LY75: variants seen among roughly 807,000 people sequenced by gnomAD.
The protein encoded by LY75 is lymphocyte antigen 75.
LY75 carries 185 observed loss-of-function variants against 231.7 expected under a neutral mutation model. The observed-to-expected ratio is 0.80, with a 90% confidence interval of 0.71 to 0.90. The LOEUF is 0.90. Ranked by LOEUF, LY75 falls within the 40% of genes least tolerant of loss-of-function variation. The probability of loss-of-function intolerance (pLI) is 0.00; values close to 1 mark genes in which losing one functional copy is unlikely to be tolerated. For synonymous variants in LY75, 668 were observed against 689.0 expected, an observed-to-expected ratio of 0.97 and a Z score of 0.48; for missense variants, 1,947 against 2,050.2, an observed-to-expected ratio of 0.95 and a Z score of 0.97.
At position 159,860,829 on chromosome 2, in the gene LY75, C is replaced by A. The variant is rs752348136; in HGVS notation, c.2260G>T (p.Ala754Ser). 1.9e-6 allele frequency: 3 copies of A among 1,613,820 alleles called. No homozygotes were observed. Among genetic ancestry groups the A allele is most frequent in the African/African-American group, 2.7e-5 (2 of 74,910 alleles). The change falls in exon 15 of 35, where the codon GCT (alanine) becomes TCT (serine). Residue 754 changes from alanine (A) to serine (S), a missense_variant. Coordinates refer to ENST00000263636, the MANE Select transcript of LY75 (RefSeq NM_002349.4). ...QQDYDIRDCA[A>S]VKVFHRPWRR... ...TCCAGCATTGTACTGACCTTGACAGCAGCACAGTCTCTGATGTCATAATCC... is the reference window on the plus strand; with the variant it reads ...TCCAGCATTGTACTGACCTTGACAGAAGCACAGTCTCTGATGTCATAATCC...
chr2:159,813,899 A>G (rs1484475430), intron 31 of LY75: 1 of 152,144 alleles, frequency 6.6e-6, no homozygotes, highest in Non-Finnish European at 1.5e-5. Context: ...ATGTATTCCA[A>G]TTGTTTTTCT....
intron 25 of LY75, 131 bp downstream of exon 25, chr2:159,840,598 A>C: frequency 4.3e-6 from 6 of 1,380,312 alleles, no homozygotes; most frequent in South Asian, 2.8e-5. Flanking sequence ...ACCCCGACAT[A>C]TTCCATGAAA....
At chr2:159,893,523 C>T (rs1394694695) in intron 3 of LY75, among the ~76,000 whole-genome samples, 5 of 152,194 alleles carry the variant, frequency 3.3e-5, no homozygotes, top group Non-Finnish European at 7.3e-5. Flanking sequence ...TCTTCTTCTG[C>T]TCCGTGAAAC....
At position 159,805,009 on chromosome 2, in the gene LY75, C is replaced by T. The variant is rs1285224629; in HGVS notation, c.*35G>A. ...ATTTTAAGTGACTAATTTCTCATAA[C>T]ACATTAGTGCAAATTAGAAAACTTT... On this transcript the variant is annotated 3_prime_UTR_variant, in exon 35 of 35. Coordinates refer to ENST00000263636, the MANE Select transcript of LY75 (RefSeq NM_002349.4). The T allele has an allele frequency of 1.3e-6, 2 of 1,550,670 alleles. No homozygotes were observed. The highest frequency in any genetic ancestry group is 2.3e-5 in the South Asian group (2 of 88,632).
Position 159,858,410 on chromosome 2 carries a change from G to A in LY75, c.2335C>T (p.Pro779Ser). The A allele has an allele frequency of 6.2e-7, 1 of 1,613,588 alleles. No homozygotes were observed. Among genetic ancestry groups the A allele is most frequent in the South Asian group, 1.1e-5 (1 of 91,032 alleles). Reference sequence around the variant, plus strand: ...TCAAGTTTTGTATCACAAGCAAAAGGCCTCAAATAAATAAATTCTCTATCA... The same window carrying A: ...TCAAGTTTTGTATCACAAGCAAAAGACCTCAAATAAATAAATTCTCTATCA... ...YDDREFIYLR[P>S]FACDTKLEWV... Residue 779 changes from proline to serine, a missense_variant, in exon 16 of 35, where the codon CCT becomes TCT. Transcript: ENST00000263636.
chr2:159,808,703 G>T, intron 32 of LY75, 132 bp from the exon 33 acceptor site: 1 of 1,317,332 alleles, frequency 7.6e-7, no homozygotes, highest in Non-Finnish European at 9.9e-7. Flanking sequence ...CACAGAGACA[G>T]TTTTTAAAAA....
rs779405040 is a variant in LY75, at chr2:159,860,865, C to T, written c.2224G>A (p.Glu742Lys). 2.5e-6 allele frequency: 4 copies of T among 1,613,962 alleles called. No homozygotes were observed. In the Admixed American group the frequency reaches 6.7e-5, roughly 27 times the overall value. The change falls in exon 15 of 35, where the codon GAG becomes AAG. Residue 742 changes from glutamate (E) to lysine (K), a missense_variant. Physicochemically the swap from Glu to Lys is moderately conservative, Grantham distance 56. Transcript: ENST00000263636. ...TPVSTIIMPN[E>K]FQQDYDIRDC... ...CTGATGTCATAATCCTGCTGAAACTCATTTGGCATGATAATAGTAGACACC... is the reference window on the plus strand; with the variant it reads ...CTGATGTCATAATCCTGCTGAAACTTATTTGGCATGATAATAGTAGACACC...
Position 159,850,408 on chromosome 2 carries a change from G to A in LY75, c.2943C>T (p.His981=), listed in dbSNP as rs550707203. The A allele has an allele frequency of 5.5e-4, 885 of 1,613,726 alleles. 7 individuals are homozygous for A. In the South Asian group the frequency reaches 9.2e-3, roughly 17 times the overall value. ...CTGAAGGAAGGGTGCCACCATAGGA[G>A]TGACAGGTATCGCTTGCTTGAGAAA... ...LTFSQASDTC[H]SYGGTLPSVL... Residue 981 remains histidine, a synonymous_variant, in exon 22 of 35, where the codon CAC becomes CAT. Coordinates refer to ENST00000263636, the MANE Select transcript of LY75 (RefSeq NM_002349.4).
At chr2:159,900,720 G>A (rs1001379497) in intron 1 of LY75, among the ~76,000 whole-genome samples, 16 of 152,138 alleles carry the variant, frequency 1.1e-4, no homozygotes, top group African/African-American at 3.6e-4. Flanking sequence ...CAGAAGCAAC[G>A]ACAAGAGAAA....
At chr2:159,863,625 T>C (rs1236796611) in intron 14 of LY75, among the ~76,000 whole-genome samples, 1 of 152,200 alleles carries the variant, frequency 6.6e-6, no homozygotes, top group Admixed American at 6.5e-5. Flanking sequence ...TTCAGTCATT[T>C]GGCCATTTTA....
chr2:159,872,235 G>T, intron 13 of LY75: 1 of 489,656 alleles, frequency 2.0e-6, no homozygotes. Context: ...ATTAAACAAA[G>T]GGTAGGGAAT....
At chr2:159,900,012 C>A (rs1686026416) in intron 1 of LY75, among the ~76,000 whole-genome samples, 1 of 152,182 alleles carries the variant, frequency 6.6e-6, no homozygotes, top group African/African-American at 2.4e-5. Flanking sequence ...GAAGGCTGAA[C>A]CCCAAACTCC....
chr2:159,857,858 T>A (rs1479308809), intron 16 of LY75, among the ~76,000 whole-genome samples: 3 of 152,210 alleles, frequency 2.0e-5, no homozygotes, highest in African/African-American at 7.2e-5. Flanking sequence ...TCCCTTCTGT[T>A]ATCAAAGGCT....
chr2:159,834,612 T>A (rs1359496307), intron 26 of LY75, among the ~76,000 whole-genome samples: 1 of 152,218 alleles, frequency 6.6e-6, no homozygotes, highest in African/African-American at 2.4e-5. Context: ...TACTATTAAT[T>A]TTAAAGGAAC....
At chr2:159,886,722 A>G (rs1339639520) in intron 4 of LY75, among the ~76,000 whole-genome samples, 192 bp from the exon 5 acceptor site, 1 of 152,128 alleles carries the variant, frequency 6.6e-6, no homozygotes, top group East Asian at 1.9e-4. Context: ...GAGAAACCCA[A>G]AGGCTGATAA....
intron 20 of LY75, 88 bp downstream of exon 20, chr2:159,853,179 ATATAAT>A (rs1270709748): frequency 2.3e-6 from 3 of 1,306,968 alleles, no homozygotes; most frequent in African/African-American, 2.9e-5. Flanking sequence ...ATTACCAAAC[ATATAAT>A]TAAAAGGAAA....
intron 28 of LY75, among the ~76,000 whole-genome samples, chr2:159,821,506 C>T (rs899492340): frequency 4.0e-5 from 6 of 151,528 alleles, no homozygotes; most frequent in African/African-American, 7.3e-5. Context: ...ATACCAGGTA[C>T]TCAGAAGGCT....
At chr2:159,810,499 T>C (rs1489292041) in intron 32 of LY75, 27 bp downstream of exon 32, 1 of 1,601,172 alleles carries the variant, frequency 6.2e-7, no homozygotes, top group Non-Finnish European at 8.5e-7. Context: ...TATTGAGTCA[T>C]AAGAAAATCA....
At chr2:159,839,098 T>A (rs973221820) in intron 25 of LY75, among the ~76,000 whole-genome samples, 1 of 152,044 alleles carries the variant, frequency 6.6e-6, no homozygotes, top group Non-Finnish European at 1.5e-5. Context: ...GCCCGGCCGA[T>A]CTGGGTTAAC....
Sources: gnomAD v4.1 joint callset for allele counts (sites outside exome capture counted in the v4.1 genomes callset) on GRCh38, gnomAD v4.1.1 for gene constraint, MANE v1.5 for transcripts, NCBI Gene and HGNC (gene_info 2026-07-23, HGNC 2026-07-21) for gene names.